The following ADAMTS3 variants were observed in gnomAD, a reference collection of about 807,000 sequenced individuals.
The protein encoded by ADAMTS3 is A disintegrin and metalloproteinase with thrombospondin motifs 3.
A neutral mutation model predicts 129.0 loss-of-function variants in ADAMTS3; 73 were observed. The ratio of observed to expected loss-of-function variants is 0.57; its 90% CI spans 0.47 to 0.69. The LOEUF (loss-of-function observed/expected upper bound fraction) is 0.69, where lower values mean the gene tolerates loss of function less well. Among genes scored for constraint, ADAMTS3 ranks in the 30% least tolerant of loss-of-function variants. ADAMTS3 has a pLI of 0.00. For synonymous variants in ADAMTS3, 477 were observed against 510.8 expected (o/e 0.93, Z 0.89); for missense variants, 1,457 against 1,514.5 (o/e 0.96, Z 0.63).
At chr4:72,295,375 A>T (rs762606780) in intron 19 of ADAMTS3, among the ~76,000 whole-genome samples, 5 of 152,084 alleles carry the variant, frequency 3.3e-5, no homozygotes, top group Non-Finnish European at 7.4e-5. Context: ...TCCCAAAAAA[A>T]GTCAAGGAAT....
intron 3 of ADAMTS3, among the ~76,000 whole-genome samples, chr4:72,437,986 G>T (rs1325459002): frequency 6.6e-6 from 1 of 151,696 alleles, no homozygotes; most frequent in African/African-American, 2.4e-5. Flanking sequence ...GTCGTTTTGA[G>T]TTCCCATAAA....
intron 12 of ADAMTS3, among the ~76,000 whole-genome samples, chr4:72,312,793 C>A (rs991910796): frequency 3.9e-5 from 6 of 152,108 alleles, no homozygotes; most frequent in African/African-American, 1.2e-4. Context: ...CACACAGATG[C>A]AGCTCAAAGA....
At chr4:72,312,563 G>C in intron 12 of ADAMTS3, 97 bp from the exon 13 acceptor site, 1 of 1,200,190 alleles carries the variant, frequency 8.3e-7, no homozygotes, top group Non-Finnish European at 1.2e-6. Context: ...CAAAGTTTCT[G>C]GGCTGCCAGC....
At position 72,295,729 on chromosome 4, in the gene ADAMTS3, C is replaced by A; in HGVS notation, c.2648G>T (p.Arg883Leu). 2.5e-6 allele frequency: 4 copies of A among 1,612,854 alleles called. No homozygotes were observed. Among genetic ancestry groups the A allele is most frequent in the Non-Finnish European group, 3.4e-6 (4 of 1,179,118 alleles). ...RRKSDNKMVH[R>L]SFCEANKKPK... ...CTTTTTGTTGGCCTCACAGAAGCTG[C>A]GATGGACCATTTTATTATCACTTTT... The change falls in exon 19 of 22, where the codon CGC becomes CTC. Residue 883 changes from arginine to leucine, a missense_variant. By Grantham distance (102) the Arg-to-Leu change is moderately radical. Transcript: ENST00000286657.
rs5859316 is a variant in ADAMTS3 at position 72,394,270 on chromosome 4, G to GAA, written c.661+20543_661+20544dup. Among the ~76,000 whole-genome samples, 334 of 150,128 alleles carry GAA rather than the reference G, an allele frequency of 2.2e-3. 1 individual carries two copies. Among genetic ancestry groups the GAA allele is most frequent in the African/African-American group, 6.1e-3 (250 of 41,038 alleles). ...AGAATACTGAATTCACAACAGAGAGGAAAAAAAAAACTGATGGTGCTGCTT... is the reference window on the plus strand; with the variant it reads ...AGAATACTGAATTCACAACAGAGAGGAAAAAAAAAAAACTGATGGTGCTGCTT... On this transcript the variant is annotated intron_variant, in intron 4 of 21. Transcript: ENST00000286657.
chr4:72,553,895 A>G (rs997915543), intron 2 of ADAMTS3, among the ~76,000 whole-genome samples: 4 of 152,122 alleles, frequency 2.6e-5, no homozygotes, highest in Non-Finnish European at 5.9e-5. Context: ...CTTTTTACCT[A>G]CATCTTTAGT....
At chr4:72,308,426 A>T (rs886795579) in intron 15 of ADAMTS3, among the ~76,000 whole-genome samples, 5 of 151,962 alleles carry the variant, frequency 3.3e-5, no homozygotes, top group African/African-American at 1.2e-4. Flanking sequence ...TTTTTTATAA[A>T]AGGAAAAGTT....
chr4:72,468,584 AAAT>A, intron 3 of ADAMTS3, among the ~76,000 whole-genome samples: 1 of 152,228 alleles, frequency 6.6e-6, no homozygotes, highest in Non-Finnish European at 1.5e-5. Context: ...CTGGAATAAT[AAAT>A]AATGATTAAC....
intron 4 of ADAMTS3, among the ~76,000 whole-genome samples, chr4:72,357,547 TATTA>T (rs1720612004): frequency 6.6e-6 from 1 of 151,890 alleles, no homozygotes; most frequent in African/African-American, 2.4e-5. Context: ...ATTCAATTTC[TATTA>T]TTTACATATA....
At chr4:72,420,728 C>T (rs1049803798) in intron 3 of ADAMTS3, among the ~76,000 whole-genome samples, 3 of 152,166 alleles carry the variant, frequency 2.0e-5, no homozygotes, top group Admixed American at 2.0e-4. Flanking sequence ...AATGAAAAAA[C>T]AACAAAGAAG....
intron 3 of ADAMTS3, among the ~76,000 whole-genome samples, chr4:72,415,383 C>T (rs762329794): frequency 9.2e-5 from 14 of 151,852 alleles, no homozygotes; most frequent in Non-Finnish European, 1.6e-4. Flanking sequence ...GTGGTCCAAA[C>T]GTTACATACA....
At chr4:72,523,090 A>T (rs1720715596) in intron 3 of ADAMTS3, among the ~76,000 whole-genome samples, 1 of 152,098 alleles carries the variant, frequency 6.6e-6, no homozygotes, top group Non-Finnish European at 1.5e-5. Context: ...GATATTACCC[A>T]ATAATTTCTC....
At chr4:72,423,822 CT>C (rs1484837715) in intron 3 of ADAMTS3, among the ~76,000 whole-genome samples, 1 of 152,010 alleles carries the variant, frequency 6.6e-6, no homozygotes, top group African/African-American at 2.4e-5. Context: ...TACTATCTCT[CT>C]ACTTAAATAA....
intron 2 of ADAMTS3, among the ~76,000 whole-genome samples, chr4:72,562,953 C>T (rs896902400): frequency 6.6e-6 from 1 of 152,238 alleles, no homozygotes; most frequent in Non-Finnish European, 1.5e-5. Flanking sequence ...TAACCCAACT[C>T]TTCATATCAA....
At chr4:72,477,692 A>G (rs1190744988) in intron 3 of ADAMTS3, among the ~76,000 whole-genome samples, 3 of 152,298 alleles carry the variant, frequency 2.0e-5, no homozygotes, top group Admixed American at 6.5e-5. Context: ...AACTAAAATC[A>G]GAGCAGAACT....
chr4:72,529,237 G>C (rs1370166017), intron 3 of ADAMTS3, among the ~76,000 whole-genome samples: 4 of 152,172 alleles, frequency 2.6e-5, no homozygotes, highest in African/African-American at 2.4e-5. Context: ...GTAAGGAGTT[G>C]AGGGGAAATG....
intron 4 of ADAMTS3, among the ~76,000 whole-genome samples, chr4:72,377,085 A>G (rs1159746389): frequency 6.6e-6 from 1 of 152,194 alleles, no homozygotes; most frequent in Non-Finnish European, 1.5e-5. Flanking sequence ...CAGATGGCAT[A>G]TAGCTATGTC....
chr4:72,556,528 T>C (rs1303016548), intron 2 of ADAMTS3, among the ~76,000 whole-genome samples: 1 of 151,722 alleles, frequency 6.6e-6, no homozygotes, highest in Non-Finnish European at 1.5e-5. Context: ...GTCTAATCAA[T>C]ACCAAAGCTA....
intron 4 of ADAMTS3, among the ~76,000 whole-genome samples, chr4:72,365,909 G>A (rs980922290): frequency 3.3e-5 from 5 of 152,160 alleles, no homozygotes; most frequent in East Asian, 3.9e-4. Context: ...TTTATGGTTC[G>A]AAAACATGCA....
Sources: gnomAD v4.1 joint callset for allele counts (sites outside exome capture counted in the v4.1 genomes callset) on GRCh38, gnomAD v4.1.1 for gene constraint, MANE v1.5 for transcripts, NCBI Gene and HGNC (gene_info 2026-07-23, HGNC 2026-07-21) for gene names.